The following PLEKHM1 variants were observed in gnomAD, a reference collection of about 807,000 sequenced individuals.
The protein encoded by PLEKHM1 is pleckstrin homology and RUN domain containing M1.
In PLEKHM1, 28 loss-of-function variants were observed where a neutral mutation model predicts 94.3. The observed-to-expected ratio is 0.30, with a 90% CI of 0.22 to 0.41. The LOEUF (loss-of-function observed/expected upper bound fraction) is 0.41, where lower values mean the gene tolerates loss of function less well. Ranked by LOEUF, PLEKHM1 falls within the 10% of genes least tolerant of loss-of-function variation. PLEKHM1 has a pLI of 1.00. For synonymous variants in PLEKHM1, 424 were observed against 581.2 expected (o/e 0.73, Z 3.89); for missense variants, 907 against 1,358.6 (o/e 0.67, Z 5.22).
chr17:45,457,622 G>T (rs1303362696), intron 6 of PLEKHM1, among the ~76,000 whole-genome samples: 2 of 151,784 alleles, frequency 1.3e-5, no homozygotes, highest in Admixed American at 1.3e-4. Flanking sequence ...CTATTTGGGA[G>T]GCTGAGACAG....
chr17:45,439,747 G>C, intron 10 of PLEKHM1, 113 bp from the exon 11 acceptor site: 1 of 1,391,176 alleles, frequency 7.2e-7, no homozygotes, highest in Non-Finnish European at 1.0e-6. Context: ...ATGGCACCCT[G>C]CCTGGAGAAC....
At chr17:45,465,663 T>C (rs1320720362) in intron 5 of PLEKHM1, among the ~76,000 whole-genome samples, 1 of 152,124 alleles carries the variant, frequency 6.6e-6, no homozygotes, top group Non-Finnish European at 1.5e-5. Flanking sequence ...TGAGCTGAGA[T>C]TGCACCACTG....
intron 2 of PLEKHM1, among the ~76,000 whole-genome samples, chr17:45,478,925 C>T (rs961439422): frequency 7.2e-5 from 11 of 152,090 alleles, no homozygotes; most frequent in Non-Finnish European, 1.0e-4. Context: ...TCCACTTAAC[C>T]GCTTTGAGCC....
chr17:45,442,803 G>C (rs1169098461), intron 9 of PLEKHM1, among the ~76,000 whole-genome samples: 1 of 151,992 alleles, frequency 6.6e-6, no homozygotes, highest in African/African-American at 2.4e-5. Context: ...AAATCCAAAG[G>C]CCTCGAGGGC....
In PLEKHM1 at chr17:45,440,214, C is replaced by T. The variant is rs1474098551; in HGVS notation, c.2850G>A (p.Arg950=). Residue 950 remains arginine (R), a synonymous_variant, in exon 10 of 12, where the codon AGG becomes AGA. Coordinates refer to ENST00000430334, the MANE Select transcript of PLEKHM1 (RefSeq NM_014798.3). ...LKELSKRLNH[R]NYLLESPHRF... ...TATGCGGAGATTCCAAGAGATAATT[C>T]CTGTGGTTGAGCCTTCAAACAAAAC... 1.2e-6 allele frequency: 2 copies of T among 1,613,980 alleles called. No homozygotes were observed. The highest frequency in any genetic ancestry group is 2.7e-5 in the African/African-American group (2 of 74,924).
chr17:45,469,612 C>T (rs571047816), intron 4 of PLEKHM1, among the ~76,000 whole-genome samples: 73 of 152,302 alleles, frequency 4.8e-4, no homozygotes, highest in Non-Finnish European at 9.0e-4. Flanking sequence ...TGGACTGGGT[C>T]CAGAAGATAC....
chr17:45,451,899 C>A (rs1006647976), intron 7 of PLEKHM1, among the ~76,000 whole-genome samples: 1 of 152,350 alleles, frequency 6.6e-6, no homozygotes, highest in South Asian at 2.1e-4. Flanking sequence ...CTGGGGCAGG[C>A]GGGGGAGAGG....
At position 45,453,329 on chromosome 17, in the gene PLEKHM1, G is replaced by C; in HGVS notation, c.2497+26C>G. On this transcript the variant is annotated intron_variant, in intron 7 of 11. Coordinates refer to ENST00000430334, the MANE Select transcript of PLEKHM1 (RefSeq NM_014798.3). This position sits in a 1 kb window ranked among gnomAD's most constrained non-coding sequence, Gnocchi z 4.1. ...GAGGTGGAGTGAGGCTGGCAGGCTG[G>C]GGGTGGCAGCAGAGCAAATCGGCAC... 6.2e-7 allele frequency: 1 copy of C among 1,606,098 alleles called. No homozygotes were observed. The highest frequency in any genetic ancestry group is 1.1e-5 in the South Asian group (1 of 89,952).
intron 1 of PLEKHM1, among the ~76,000 whole-genome samples, chr17:45,486,754 C>A (rs2052144111): frequency 6.6e-6 from 1 of 152,104 alleles, no homozygotes; most frequent in African/African-American, 2.4e-5. Context: ...GGGGTTCCAG[C>A]CACAATGCAG....
chr17:45,445,080 C>G lies in PLEKHM1; in HGVS notation c.2837+390G>C, dbSNP rs183612619. On this transcript the variant is annotated intron_variant, in intron 9 of 11. Transcript: ENST00000430334. The surrounding 1 kb of genome is among the most constrained non-coding windows in gnomAD (Gnocchi z 4.2). The stretch of plus-strand genomic sequence containing the variant: ...CATTGTTGGAGCCTACATGCCTCGC[C>G]AGGTGTGCAGTGCTTAGTATGTTCT... Among the ~76,000 whole-genome samples the G allele has an allele frequency of 5.4e-4, 83 of 152,378 alleles. No homozygotes were observed. Among genetic ancestry groups the G allele is most frequent in the African/African-American group, 1.9e-3 (79 of 41,590 alleles).
At position 45,468,560 on chromosome 17, in the gene PLEKHM1, G is replaced by A; in HGVS notation, c.957C>T (p.Asn319=). 6.2e-7 allele frequency: 1 copy of A among 1,614,210 alleles called. No homozygotes were observed. The part of the protein sequence containing the change: ...VLLEFSKAQV[N]SVPTNGLSQE... ...GGCTCAGTCCGTTGGTTGGCACAGA[G>A]TTTACCTGGGCTTTGCTGAATTCCA... Residue 319 remains asparagine, a synonymous_variant, in exon 5 of 12, where the codon AAC becomes AAT. Transcript: ENST00000430334.
chr17:45,487,744 G>T (rs140167395), intron 1 of PLEKHM1: 1 of 456,058 alleles, frequency 2.2e-6, no homozygotes, highest in Admixed American at 2.3e-5. Flanking sequence ...AGAAGAAAGG[G>T]ATAACCTGGT....
chr17:45,438,595 T>C (rs777727825), intron 11 of PLEKHM1, among the ~76,000 whole-genome samples: 4 of 151,974 alleles, frequency 2.6e-5, no homozygotes, highest in Non-Finnish European at 4.4e-5. Flanking sequence ...CTTGCTCTGT[T>C]GCCCAGGCTG....
chr17:45,470,973 TTG>T (rs1372919618), intron 4 of PLEKHM1, among the ~76,000 whole-genome samples: 4 of 151,912 alleles, frequency 2.6e-5, no homozygotes, highest in Non-Finnish European at 5.9e-5. Flanking sequence ...GCCAAAACGT[TTG>T]TGTTTTAAAG....
chr17:45,472,710 G>A (rs987079786), intron 4 of PLEKHM1, among the ~76,000 whole-genome samples: 11 of 152,160 alleles, frequency 7.2e-5, no homozygotes, highest in African/African-American at 2.4e-4. Context: ...CTGGGACTAC[G>A]AGACAATCTC....
intron 3 of PLEKHM1, 50 bp downstream of exon 3, chr17:45,477,850 C>G (rs1164589785): frequency 6.2e-7 from 1 of 1,607,140 alleles, no homozygotes; most frequent in African/African-American, 1.3e-5. Flanking sequence ...CCAAGTGTCC[C>G]ATAGTCTGCT....
chr17:45,481,123 T>C (rs1161310658), intron 2 of PLEKHM1, among the ~76,000 whole-genome samples: 1 of 152,198 alleles, frequency 6.6e-6, no homozygotes, highest in East Asian at 1.9e-4. Context: ...TGAAGTAGTA[T>C]CTCACTGTGG....
At position 45,486,223 on chromosome 17, in the gene PLEKHM1, A is replaced by T. The variant is rs2052115901; in HGVS notation, c.-41-3698T>A. ...CAGAGAGAGACTCCGTCTCAAAAAAAAAAAGATAAAATAAAAAAATAATAA... is the reference window on the plus strand; with the variant it reads ...CAGAGAGAGACTCCGTCTCAAAAAATAAAAGATAAAATAAAAAAATAATAA... On this transcript the variant is annotated intron_variant, in intron 1 of 11. Transcript: ENST00000430334. Among the ~76,000 whole-genome samples, 4 of 148,056 alleles carry T rather than the reference A, an allele frequency of 2.7e-5. No individual in the cohort carries two copies. In the East Asian group the frequency reaches 5.9e-4, roughly 22 times the overall value.
chr17:45,436,872 C>T lies in PLEKHM1; in HGVS notation c.*986G>A. The T allele has an allele frequency of 4.4e-6, 2 of 453,348 alleles. No homozygotes were observed. The highest frequency in any genetic ancestry group is 3.1e-5 in the South Asian group (2 of 64,474). The allele number at this position is 453,348 out of a possible 1,614,324, so 28.1% of individuals were successfully genotyped here. ...CACAGTGCAGGGCGTGGCTGCCTGCCCTCTCTGGGGTCCTGCCTATCTGTG... is the reference window on the plus strand; with the variant it reads ...CACAGTGCAGGGCGTGGCTGCCTGCTCTCTCTGGGGTCCTGCCTATCTGTG... On this transcript the variant is annotated 3_prime_UTR_variant, in exon 12 of 12. Coordinates refer to ENST00000430334, the MANE Select transcript of PLEKHM1 (RefSeq NM_014798.3).
Sources: allele counts gnomAD v4.1 joint callset (sites outside exome capture counted in the v4.1 genomes callset), GRCh38; gene constraint gnomAD v4.1.1; non-coding constraint Gnocchi (gnomAD v3.1); transcripts MANE v1.5; gene names NCBI Gene and HGNC (gene_info 2026-07-23, HGNC 2026-07-21).